PTPRN2: variants seen among roughly 807,000 people sequenced by gnomAD.
PTPRN2 encodes the protein receptor-type tyrosine-protein phosphatase N2.
Under a neutral mutation model 118.8 loss-of-function variants are expected in PTPRN2, and 74 were observed. The observed-to-expected ratio is 0.62, with a 90% CI of 0.52 to 0.76. The LOEUF (loss-of-function observed/expected upper bound fraction) is 0.76. PTPRN2 is among the 30% of genes least tolerant of loss of function. The probability of loss-of-function intolerance (pLI) is 0.00; values close to 1 mark genes in which losing one functional copy is unlikely to be tolerated. For missense variants in PTPRN2, 1,481 were observed against 1,394.4 expected (o/e 1.06, Z -0.99); for synonymous variants, 641 against 608.0 (o/e 1.05, Z -0.80).
chr7:158,384,145 C>T (rs772409669), intron 2 of PTPRN2, among the ~76,000 whole-genome samples: 34 of 152,214 alleles, frequency 2.2e-4, no homozygotes, highest in Non-Finnish European at 4.7e-4. Flanking sequence ...CTGCTGGGCT[C>T]GCTCAAGGTA....
rs556197152 is a variant in PTPRN2, at chr7:157,785,864, T to C, written c.1789-102927A>G. Among the ~76,000 whole-genome samples the C allele has an allele frequency of 6.6e-6, 1 of 152,156 alleles. No individual in the cohort carries two copies. The highest frequency in any genetic ancestry group is 2.1e-4 in the South Asian group (1 of 4,822). On this transcript the variant is annotated intron_variant, in intron 12 of 22. Coordinates refer to ENST00000389418, the MANE Select transcript of PTPRN2 (RefSeq NM_002847.5). The surrounding 1 kb of genome is among the most constrained non-coding windows in gnomAD (Gnocchi z 7.3). Reference sequence around the variant, plus strand: ...TTCTGCACAACAGCGGAGGTTTTCCTGGAGTTCATAATCACTGGTTTTTTT... The same window carrying C: ...TTCTGCACAACAGCGGAGGTTTTCCCGGAGTTCATAATCACTGGTTTTTTT...
intron 3 of PTPRN2, among the ~76,000 whole-genome samples, chr7:158,253,021 G>A (rs1256717400): frequency 5.9e-5 from 9 of 152,328 alleles, no homozygotes; most frequent in East Asian, 1.9e-4. Flanking sequence ...GCTGGCATGC[G>A]GAGGGTGTGG....
intron 3 of PTPRN2, among the ~76,000 whole-genome samples, chr7:158,244,310 T>C (rs1173064949): frequency 6.6e-6 from 1 of 152,108 alleles, no homozygotes; most frequent in Non-Finnish European, 1.5e-5. Context: ...GAAACGCAAA[T>C]TAAAAGGTGA....
intron 2 of PTPRN2, among the ~76,000 whole-genome samples, chr7:158,318,399 G>A (rs540293362): frequency 3.9e-5 from 6 of 152,342 alleles, no homozygotes; most frequent in African/African-American, 1.2e-4. Context: ...GCAGCACGTC[G>A]AGACGGCCCA....
rs1798373103 is a variant in PTPRN2, at chr7:158,270,871, CCCCTCCACCTGGATG to C, written c.277+45933_277+45947del. Reference sequence around the variant, plus strand: ...TGGACCGCCCCCCCACCTGGACCGCCCCCTCCACCTGGATGACCCCCTCCACCTGGACCACCCCCC... The same window carrying C: ...TGGACCGCCCCCCCACCTGGACCGCCACCCCCTCCACCTGGACCACCCCCC... On this transcript the variant is annotated intron_variant, in intron 3 of 22. Transcript: ENST00000389418. Among the ~76,000 whole-genome samples, 3 of 78,696 alleles carry C rather than the reference CCCCTCCACCTGGATG, an allele frequency of 3.8e-5. 1 individual carries two copies. Among genetic ancestry groups the C allele is most frequent in the Admixed American group, 3.6e-4 (3 of 8,372 alleles). The allele number at this position is 78,696 out of a possible 152,430, so 51.6% of individuals were successfully genotyped here.
chr7:157,841,909 G>T (rs1808452545), intron 12 of PTPRN2, among the ~76,000 whole-genome samples: 1 of 152,104 alleles, frequency 6.6e-6, no homozygotes, highest in African/African-American at 2.4e-5. Flanking sequence ...AGTACCCGGG[G>T]ACTGTGTCTT....
At position 157,794,089 on chromosome 7, in the gene PTPRN2, C is replaced by T. The variant is rs929899435; in HGVS notation, c.1788+104584G>A. Reference sequence around the variant, plus strand: ...GCCCAGGTGGCCGGGAGGGGGCCGCCTGTGTCTCGCCCCTCATTCTCTGCT... The same window carrying T: ...GCCCAGGTGGCCGGGAGGGGGCCGCTTGTGTCTCGCCCCTCATTCTCTGCT... On this transcript the variant is annotated intron_variant, in intron 12 of 22. Coordinates refer to ENST00000389418, the MANE Select transcript of PTPRN2 (RefSeq NM_002847.5). This position sits in a 1 kb window ranked among gnomAD's most constrained non-coding sequence, Gnocchi z 5.2. 1.3e-5 allele frequency among the ~76,000 whole-genome samples: 2 copies of T among 152,114 alleles called. No homozygotes were observed. The highest frequency in any genetic ancestry group is 4.8e-5 in the African/African-American group (2 of 41,390).
intron 21 of PTPRN2, among the ~76,000 whole-genome samples, chr7:157,562,715 C>T (rs182563852): frequency 1.2e-3 from 173 of 149,012 alleles, no homozygotes; most frequent in African/African-American, 3.9e-3. Flanking sequence ...CATGCTCCCG[C>T]GTCACCACAC....
At chr7:158,245,310 G>T (rs528035831) in intron 3 of PTPRN2, among the ~76,000 whole-genome samples, 1 of 152,262 alleles carries the variant, frequency 6.6e-6, no homozygotes, top group South Asian at 2.1e-4. Flanking sequence ...GGTCATGCCA[G>T]AATCCGTGGT....
intron 11 of PTPRN2, among the ~76,000 whole-genome samples, chr7:157,939,710 G>A (rs1799928706): frequency 6.6e-6 from 1 of 152,254 alleles, no homozygotes; most frequent in Non-Finnish European, 1.5e-5. Flanking sequence ...CTTCCCTCTG[G>A]CATATCTTAC....
chr7:158,069,767 C>T (rs1023954302), intron 11 of PTPRN2, among the ~76,000 whole-genome samples: 2 of 152,216 alleles, frequency 1.3e-5, no homozygotes, highest in Admixed American at 6.5e-5. Flanking sequence ...CGTGGGATGC[C>T]CAGGCACGCA....
At chr7:157,980,392 C>T (rs1350176655) in intron 11 of PTPRN2, among the ~76,000 whole-genome samples, 1 of 152,192 alleles carries the variant, frequency 6.6e-6, no homozygotes, top group East Asian at 1.9e-4. Flanking sequence ...CTAAATTACT[C>T]CAGCTATTTG....
intron 11 of PTPRN2, among the ~76,000 whole-genome samples, chr7:158,073,467 C>T (rs979487757): frequency 6.6e-6 from 1 of 152,196 alleles, no homozygotes; most frequent in Admixed American, 6.5e-5. Flanking sequence ...CCTTGCTTTC[C>T]TCCTTCAGGT....
intron 3 of PTPRN2, among the ~76,000 whole-genome samples, chr7:158,257,079 T>C (rs1797066671): frequency 6.6e-6 from 1 of 152,134 alleles, no homozygotes; most frequent in South Asian, 2.1e-4. Context: ...CTGCTTTCCC[T>C]GGGATCTGGG....
intron 10 of PTPRN2, among the ~76,000 whole-genome samples, chr7:158,105,359 G>A (rs140742672): frequency 1.4e-5 from 2 of 142,676 alleles, no homozygotes; most frequent in Non-Finnish European, 3.0e-5. Context: ...AACTGCATCC[G>A]AGCTCCATCC....
intron 12 of PTPRN2, among the ~76,000 whole-genome samples, chr7:157,850,477 G>A (rs1759520155): frequency 6.6e-6 from 1 of 152,140 alleles, no homozygotes; most frequent in African/African-American, 2.4e-5. Flanking sequence ...GGTCTCCCGG[G>A]GCCTGGTGTG....
At chr7:158,209,768 A>T (rs1283780209) in intron 3 of PTPRN2, among the ~76,000 whole-genome samples, 2 of 152,246 alleles carry the variant, frequency 1.3e-5, no homozygotes, top group Admixed American at 1.3e-4. Context: ...CACATGAATA[A>T]TTCTCAAGAA....
intron 12 of PTPRN2, among the ~76,000 whole-genome samples, chr7:157,837,498 G>A (rs866018331): frequency 5.3e-5 from 8 of 151,210 alleles, no homozygotes; most frequent in Non-Finnish European, 1.2e-4. Context: ...GGCTCAGAAG[G>A]GGCACCATGA....
At chr7:158,192,613 G>T (rs1825869541) in intron 4 of PTPRN2, 118 bp from the exon 5 acceptor site, 1 of 1,160,720 alleles carries the variant, frequency 8.6e-7, no homozygotes, top group Admixed American at 3.2e-5. Flanking sequence ...TCGGTGGCCG[G>T]CCTGGCCTTG....
Sources: allele counts gnomAD v4.1 joint callset (sites outside exome capture counted in the v4.1 genomes callset), GRCh38; gene constraint gnomAD v4.1.1; non-coding constraint Gnocchi (gnomAD v3.1); transcripts MANE v1.5; gene names NCBI Gene and HGNC (gene_info 2026-07-23, HGNC 2026-07-21).